EFNA5: variants seen among roughly 807,000 people sequenced by gnomAD.
The protein encoded by EFNA5 is ephrin A5, also known as ephrin-A5.
EFNA5 carries 5 observed loss-of-function variants against 22.9 expected under a neutral mutation model. That is an observed-to-expected ratio of 0.22 (90% CI 0.11 to 0.46). The LOEUF (loss-of-function observed/expected upper bound fraction) is 0.46, where lower values mean the gene tolerates loss of function less well. Among genes scored for constraint, EFNA5 ranks in the 20% least tolerant of loss-of-function variants. EFNA5 has a pLI of 0.99. For synonymous variants in EFNA5, 113 were observed against 112.2 expected, an observed-to-expected ratio of 1.01 and a Z score of -0.04; for missense variants, 237 against 293.3, an observed-to-expected ratio of 0.81 and a Z score of 1.40.
chr5:107,490,776 C>T (rs72789627), intron 1 of EFNA5, among the ~76,000 whole-genome samples: 16,852 of 152,240 alleles, frequency 0.11, 1,027 homozygotes, highest in Middle Eastern at 0.19. Context: ...TCAGATTCCT[C>T]TTTACTTACT....
At chr5:107,515,190 C>A (rs115000090) in intron 1 of EFNA5, among the ~76,000 whole-genome samples, 1 of 150,448 alleles carries the variant, frequency 6.6e-6, no homozygotes, top group Non-Finnish European at 1.5e-5. Flanking sequence ...GACTGAGCCA[C>A]CACACCTGGC....
At chr5:107,640,474 G>A (rs1468009841) in intron 1 of EFNA5, among the ~76,000 whole-genome samples, 1 of 152,200 alleles carries the variant, frequency 6.6e-6, no homozygotes, top group Non-Finnish European at 1.5e-5. Flanking sequence ...GTTCATAATC[G>A]TGACATTATA....
In EFNA5 at chr5:107,513,781, T is replaced by A. The variant is rs528886405; in HGVS notation, c.126-86272A>T. ...AGATACTGGGCTCTATGTTGTTTTT[T>A]CTTTAATTCCAAGAACTCAGAGGGA... On this transcript the variant is annotated intron_variant, in intron 1 of 4. Coordinates refer to ENST00000333274, the MANE Select transcript of EFNA5 (RefSeq NM_001962.3). 2.6e-5 allele frequency among the ~76,000 whole-genome samples: 4 copies of A among 152,270 alleles called. No individual in the cohort carries two copies. In the South Asian group the frequency reaches 8.3e-4, roughly 32 times the overall value.
chr5:107,557,609 C>A (rs959852616), intron 1 of EFNA5, among the ~76,000 whole-genome samples: 1 of 152,214 alleles, frequency 6.6e-6, no homozygotes, highest in Non-Finnish European at 1.5e-5. Flanking sequence ...TTCTTCTACA[C>A]GCTGCCGGCT....
intron 1 of EFNA5, among the ~76,000 whole-genome samples, chr5:107,486,328 G>T (rs1043137114): frequency 4.6e-5 from 7 of 152,132 alleles, no homozygotes; most frequent in Non-Finnish European, 1.5e-5. Context: ...AGTAGGACTG[G>T]TAAGGAACTT....
rs146570007 is a variant in EFNA5, at chr5:107,406,082, C to A, written c.419-18311G>T. 7.9e-3 allele frequency among the ~76,000 whole-genome samples: 321 copies of A among 40,382 alleles called. 5 individuals carry two copies. The highest frequency in any genetic ancestry group is 0.034 in the Middle Eastern group (2 of 58). The allele number at this position is 40,382 out of a possible 152,430, so 26.5% of individuals were successfully genotyped here. On this transcript the variant is annotated intron_variant, in intron 2 of 4. Coordinates refer to ENST00000333274, the MANE Select transcript of EFNA5 (RefSeq NM_001962.3). ...TGTATTTATATACATAGAATGTATACAAATACCTATATTTGTATACATATT... is the reference window on the plus strand; with the variant it reads ...TGTATTTATATACATAGAATGTATAAAAATACCTATATTTGTATACATATT...
intron 1 of EFNA5, among the ~76,000 whole-genome samples, chr5:107,578,551 C>T (rs994171460): frequency 1.3e-5 from 2 of 151,956 alleles, no homozygotes; most frequent in Non-Finnish European, 1.5e-5. Flanking sequence ...TCTGAGTGTT[C>T]TAAAAATTGT....
chr5:107,457,635 G>A (rs913875809), intron 1 of EFNA5, among the ~76,000 whole-genome samples: 3 of 152,146 alleles, frequency 2.0e-5, no homozygotes, highest in African/African-American at 7.2e-5. Context: ...TGGCACCCAT[G>A]TATAAGGAGG....
At chr5:107,585,776 T>C (rs1165322755) in intron 1 of EFNA5, among the ~76,000 whole-genome samples, 1 of 152,198 alleles carries the variant, frequency 6.6e-6, no homozygotes, top group East Asian at 1.9e-4. Context: ...AGTGGTGCCA[T>C]AACAGAAATT....
At chr5:107,416,302 A>G (rs372442319) in intron 2 of EFNA5, among the ~76,000 whole-genome samples, 157 of 152,314 alleles carry the variant, frequency 1.0e-3, no homozygotes, top group African/African-American at 3.7e-3. Flanking sequence ...CGACTTGCCA[A>G]TGATGCTTGA....
At chr5:107,591,986 A>G (rs1461168988) in intron 1 of EFNA5, among the ~76,000 whole-genome samples, 1 of 43,130 alleles carries the variant, frequency 2.3e-5, no homozygotes, top group African/African-American at 1.2e-4. Context: ...AATATATAAT[A>G]TATAATATAT....
chr5:107,609,272 AC>A (rs1749780881), intron 1 of EFNA5, among the ~76,000 whole-genome samples: 1 of 152,226 alleles, frequency 6.6e-6, no homozygotes, highest in South Asian at 2.1e-4. Context: ...CCAATATCAC[AC>A]AAAGAAACAA....
At chr5:107,627,635 C>CAAA (rs758660866) in intron 1 of EFNA5, among the ~76,000 whole-genome samples, 6 of 72,040 alleles carry the variant, frequency 8.3e-5, no homozygotes, top group Admixed American at 1.6e-4. Context: ...GACCACATCT[C>CAAA]AAAAAAAAAA....
At chr5:107,531,101 G>T (rs1258862557) in intron 1 of EFNA5, among the ~76,000 whole-genome samples, 1 of 152,040 alleles carries the variant, frequency 6.6e-6, no homozygotes. Context: ...CTAGACTCAG[G>T]TTCAAAAAAT....
chr5:107,387,371 C>A (rs1747654848), intron 3 of EFNA5, 56 bp from the exon 4 acceptor site: 2 of 1,161,594 alleles, frequency 1.7e-6, no homozygotes, highest in Admixed American at 4.6e-5. Context: ...CCCTTAAACT[C>A]CCATTTCTTT....
chr5:107,411,706 C>A (rs920128873), intron 2 of EFNA5, among the ~76,000 whole-genome samples: 6 of 152,176 alleles, frequency 3.9e-5, no homozygotes, highest in Non-Finnish European at 8.8e-5. Context: ...TGCAGTGGTG[C>A]AATCATGGCT....
intron 1 of EFNA5, among the ~76,000 whole-genome samples, chr5:107,442,944 A>C (rs929448706): frequency 9.9e-5 from 15 of 151,860 alleles, no homozygotes; most frequent in African/African-American, 3.1e-4. Context: ...AAAAAAAAAA[A>C]AAAAAAAAAC....
chr5:107,654,348 CT>C (rs570117160), intron 1 of EFNA5, among the ~76,000 whole-genome samples: 1,597 of 151,442 alleles, frequency 0.011, 36 homozygotes, highest in African/African-American at 0.036. Flanking sequence ...TGGGTTTAAA[CT>C]TTTTTTTTAA....
chr5:107,539,275 C>T (rs1158998048), intron 1 of EFNA5, among the ~76,000 whole-genome samples: 1 of 152,230 alleles, frequency 6.6e-6, no homozygotes, highest in African/African-American at 2.4e-5. Context: ...CAAAGGGCTG[C>T]TCCGAGCCCT....
Sources: gnomAD v4.1 joint callset for allele counts (sites outside exome capture counted in the v4.1 genomes callset) on GRCh38, gnomAD v4.1.1 for gene constraint, MANE v1.5 for transcripts, NCBI Gene and HGNC (gene_info 2026-07-23, HGNC 2026-07-21) for gene names.